The following SLIT3 variants were observed in gnomAD, a reference collection of about 807,000 sequenced individuals.
SLIT3 encodes slit guidance ligand 3, also known as slit homolog 3 protein.
Under a neutral mutation model 184.0 loss-of-function variants are expected in SLIT3, and 68 were observed. That is an observed-to-expected ratio of 0.37 (90% confidence interval 0.30 to 0.45). The LOEUF (loss-of-function observed/expected upper bound fraction) is 0.45. SLIT3 is among the 20% of genes least tolerant of loss of function. The probability of loss-of-function intolerance (pLI) is 1.00; values close to 1 mark genes in which losing one functional copy is unlikely to be tolerated. For missense variants in SLIT3, 1,707 were observed against 2,026.0 expected, an observed-to-expected ratio of 0.84 and a Z score of 3.02; for synonymous variants, 831 against 828.6, an observed-to-expected ratio of 1.00 and a Z score of -0.05.
intron 3 of SLIT3, among the ~76,000 whole-genome samples, chr5:169,217,686 A>G (rs1764485900): frequency 6.6e-6 from 1 of 152,184 alleles, no homozygotes; most frequent in African/African-American, 2.4e-5. Context: ...ACGAACCAGT[A>G]ATTGCTGAAT....
At chr5:168,963,850 A>G (rs10073100) in intron 4 of SLIT3, among the ~76,000 whole-genome samples, 1 of 152,228 alleles carries the variant, frequency 6.6e-6, no homozygotes, top group East Asian at 1.9e-4. Flanking sequence ...TAGTTTAAGT[A>G]AAAACCAGGA....
Position 169,165,298 on chromosome 5 carries a change from C to A in SLIT3, c.413+28181G>T, listed in dbSNP as rs148968535. 1.8e-3 allele frequency among the ~76,000 whole-genome samples: 267 copies of A among 152,292 alleles called. 1 individual carries two copies. The highest frequency in any genetic ancestry group is 6.3e-3 in the African/African-American group (260 of 41,564). ...TGATGAGTCTTAACTTGTGCCTAGG[C>A]CAACCTAAAAGAGAGATCCTATTGT... On this transcript the variant is annotated intron_variant, in intron 4 of 35. Transcript: ENST00000519560.
rs574033161 is a variant in SLIT3, at chr5:168,681,368, G to GAGTGTACT, written c.3686+2590_3686+2597dup. Among the ~76,000 whole-genome samples, 81 of 152,342 alleles carry GAGTGTACT rather than the reference G, an allele frequency of 5.3e-4. 1 individual carries two copies. The South Asian group carries it at 0.013, about 24-fold the overall frequency. ...GGCCTGGTAGATGTGGAATGAGTGA[G>GAGTGTACT]AGTGTACTAATGGCAACAGAAACAG... On this transcript the variant is annotated intron_variant, in intron 32 of 35. Transcript: ENST00000519560.
At chr5:168,805,513 C>T (rs571570581) in intron 9 of SLIT3, among the ~76,000 whole-genome samples, 12 of 152,248 alleles carry the variant, frequency 7.9e-5, no homozygotes, top group Admixed American at 2.0e-4. Flanking sequence ...AAACAACTGT[C>T]GCTATTTAAA....
intron 4 of SLIT3, among the ~76,000 whole-genome samples, chr5:169,109,683 A>G (rs1449620036): frequency 1.3e-5 from 2 of 152,154 alleles, no homozygotes; most frequent in East Asian, 3.8e-4. Flanking sequence ...AGGCACTACC[A>G]TCTCCCTATT....
intron 5 of SLIT3, among the ~76,000 whole-genome samples, chr5:168,849,803 G>A (rs369281873): frequency 1.3e-5 from 2 of 152,024 alleles, no homozygotes; most frequent in East Asian, 1.9e-4. Flanking sequence ...TTTTCTAGAC[G>A]GAGGAGAAAT....
rs538874499 is a variant in SLIT3, at chr5:168,906,953, C to T, written c.414-23617G>A. Among the ~76,000 whole-genome samples, 9 of 151,376 alleles carry T rather than the reference C, an allele frequency of 5.9e-5. No individual in the cohort carries two copies. The South Asian group carries it at 1.5e-3, about 25-fold the overall frequency. On this transcript the variant is annotated intron_variant, in intron 4 of 35. Coordinates refer to ENST00000519560, the MANE Select transcript of SLIT3 (RefSeq NM_003062.4). ...TCGGGTCACTGCAACCTCCACCTCC[C>T]AGGTTCAAGCGATTCTCCTGCCTCA...
At chr5:169,227,565 T>C (rs530933242) in intron 3 of SLIT3, among the ~76,000 whole-genome samples, 1 of 152,226 alleles carries the variant, frequency 6.6e-6, no homozygotes, top group East Asian at 1.9e-4. Context: ...GTAGCTGGGA[T>C]TACAGGCACG....
At chr5:168,689,859 T>G (rs909300643) in intron 29 of SLIT3, among the ~76,000 whole-genome samples, 12 of 152,218 alleles carry the variant, frequency 7.9e-5, no homozygotes, top group African/African-American at 2.9e-4. Context: ...ACTGGAAGAA[T>G]AATTTTTGAT....
intron 3 of SLIT3, among the ~76,000 whole-genome samples, chr5:169,220,318 G>GAAAA (rs34319698): frequency 7.7e-6 from 1 of 129,130 alleles, no homozygotes; most frequent in African/African-American, 2.8e-5. Context: ...TAGCCAAATG[G>GAAAA]AAAAAAAAAA....
At chr5:169,170,146 C>A (rs1762770935) in intron 4 of SLIT3, among the ~76,000 whole-genome samples, 1 of 152,198 alleles carries the variant, frequency 6.6e-6, no homozygotes, top group African/African-American at 2.4e-5. Flanking sequence ...ACTGATCACA[C>A]TGACACCCAC....
intron 18 of SLIT3, 69 bp downstream of exon 18, chr5:168,752,886 A>T: frequency 6.8e-7 from 1 of 1,463,980 alleles, no homozygotes; most frequent in Non-Finnish European, 9.5e-7. Flanking sequence ...GGTAGCAGGG[A>T]GCTGGGAGGA....
intron 3 of SLIT3, among the ~76,000 whole-genome samples, chr5:169,242,769 G>T (rs1197851974): frequency 1.3e-5 from 2 of 152,164 alleles, no homozygotes; most frequent in South Asian, 2.1e-4. Context: ...CCAACACGGA[G>T]AAATAATCAG....
At chr5:169,015,773 A>G (rs911210681) in intron 4 of SLIT3, among the ~76,000 whole-genome samples, 1 of 151,898 alleles carries the variant, frequency 6.6e-6, no homozygotes, top group African/African-American at 2.4e-5. Flanking sequence ...CAGCAAAAAC[A>G]AAAACCAAAA....
intron 20 of SLIT3, among the ~76,000 whole-genome samples, chr5:168,736,860 C>T (rs1471616960): frequency 1.3e-5 from 2 of 152,182 alleles, no homozygotes; most frequent in East Asian, 3.9e-4. Flanking sequence ...GGGCTTGAGT[C>T]TATAGTCTGC....
intron 4 of SLIT3, among the ~76,000 whole-genome samples, chr5:169,102,300 G>A (rs1044017370): frequency 1.3e-5 from 2 of 152,156 alleles, no homozygotes; most frequent in African/African-American, 2.4e-5. Flanking sequence ...ATTTTTCAAA[G>A]AACATAGACA....
At chr5:168,846,596 G>A (rs1370101198) in intron 5 of SLIT3, among the ~76,000 whole-genome samples, 4 of 151,984 alleles carry the variant, frequency 2.6e-5, no homozygotes, top group East Asian at 3.9e-4. Flanking sequence ...TTTTGGCTTC[G>A]AGAAACTGTT....
chr5:168,814,180 G>T (rs1345165774), intron 8 of SLIT3, among the ~76,000 whole-genome samples: 1 of 152,078 alleles, frequency 6.6e-6, no homozygotes. Context: ...TGGATCACCT[G>T]AGGTCAGGGG....
Position 168,748,403 on chromosome 5 carries a change from C to T in SLIT3, c.2169G>A (p.Pro723=), listed in dbSNP as rs147915250. Residue 723 remains proline (P), a synonymous_variant, in exon 20 of 36, where the codon CCG becomes CCA. Transcript: ENST00000519560. ...TACAGGTGCACTGCTCCGGGCAGCG[C>T]GGGCTCAGCTGGCAGCTACTCTCCT... ...GNEESSCQLS[P]RCPEQCTCME... 2.6e-4 allele frequency: 394 copies of T among 1,522,684 alleles called. 1 individual carries two copies. The African/African-American group carries it at 3.0e-3, about 12-fold the overall frequency. The allele number at this position is 1,522,684 out of a possible 1,614,324, so 94.3% of individuals were successfully genotyped here.
Sources: gnomAD v4.1 joint callset for allele counts (sites outside exome capture counted in the v4.1 genomes callset) on GRCh38, gnomAD v4.1.1 for gene constraint, MANE v1.5 for transcripts, NCBI Gene and HGNC (gene_info 2026-07-23, HGNC 2026-07-21) for gene names.